Variants in COA1 observed in about 807,000 individuals in gnomAD.
The protein encoded by COA1 is cytochrome c oxidase assembly factor 1, also known as cytochrome c oxidase assembly factor 1 homolog.
In COA1, 13 loss-of-function variants were observed where a neutral mutation model predicts 16.0. The observed-to-expected ratio is 0.81, with a 90% CI of 0.53 to 1.29. COA1 has a LOEUF of 1.29. Among genes scored for constraint, COA1 ranks in the 50% most tolerant of loss-of-function variants. The probability of loss-of-function intolerance (pLI) is 0.00; values close to 1 mark genes in which losing one functional copy is unlikely to be tolerated. For synonymous variants in COA1, 65 were observed against 65.7 expected (o/e 0.99, Z 0.05); for missense variants, 179 against 177.0 (o/e 1.01, Z -0.06).
intron 1 of COA1, among the ~76,000 whole-genome samples, chr7:43,722,540 C>A (rs569386626): frequency 1.3e-5 from 2 of 152,290 alleles, no homozygotes; most frequent in South Asian, 4.1e-4. Context: ...GTAGCTAGGA[C>A]TACAGGCACA....
Position 43,629,814 on chromosome 7 carries a change from C to G in COA1, c.*133+9635G>C, listed in dbSNP as rs80006390. Among the ~76,000 whole-genome samples, 166 of 152,332 alleles carry G rather than the reference C, an allele frequency of 1.1e-3. 1 individual carries two copies. The East Asian group carries it at 0.017, about 16-fold the overall frequency. On this transcript the variant is annotated intron_variant and NMD_transcript_variant, in intron 6 of 6. Transcript: ENST00000415076. ...AGCTGGTTATGGGCAGAACAAAGGA[C>G]AGAATCATTCAGATTTCCTGACTGC...
chr7:43,706,942 G>C (rs1365646893), intron 1 of COA1, among the ~76,000 whole-genome samples: 1 of 152,054 alleles, frequency 6.6e-6, no homozygotes, highest in Non-Finnish European at 1.5e-5. Flanking sequence ...AGGCTGAGGT[G>C]GGCAGATCAC....
intron 6 of COA1, among the ~76,000 whole-genome samples, chr7:43,627,521 A>G (rs975579113): frequency 6.6e-6 from 1 of 152,258 alleles, no homozygotes; most frequent in Non-Finnish European, 1.5e-5. Context: ...GAATATAGAT[A>G]GGAGAAAGAT....
chr7:43,683,613 G>T (rs143193085), intron 1 of COA1, among the ~76,000 whole-genome samples: 1 of 151,786 alleles, frequency 6.6e-6, no homozygotes, highest in Non-Finnish European at 1.5e-5. Context: ...CAGCCTGGGC[G>T]ACAGAGCGAG....
chr7:43,700,417 ATTC>A (rs1421668046), intron 1 of COA1, among the ~76,000 whole-genome samples: 2 of 152,000 alleles, frequency 1.3e-5, no homozygotes, highest in African/African-American at 4.8e-5. Context: ...CTCATAGAAA[ATTC>A]TTCTAGACCC....
At chr7:43,724,871 T>C (rs1364528174) in intron 1 of COA1, among the ~76,000 whole-genome samples, 1 of 152,202 alleles carries the variant, frequency 6.6e-6, no homozygotes, top group Non-Finnish European at 1.5e-5. Context: ...ACAGAAAATA[T>C]AATGGTAGTT....
chr7:43,681,342 T>C (rs551293095), intron 1 of COA1, among the ~76,000 whole-genome samples: 10 of 152,376 alleles, frequency 6.6e-5, no homozygotes, highest in African/African-American at 1.9e-4. Context: ...TTTTTTGTTA[T>C]AACTTTGTTT....
At chr7:43,644,045 C>T (rs1175226183) in intron 4 of COA1, among the ~76,000 whole-genome samples, 3 of 152,164 alleles carry the variant, frequency 2.0e-5, no homozygotes, top group Non-Finnish European at 4.4e-5. Flanking sequence ...CCTACCTGCC[C>T]ACACCCACCT....
Position 43,613,644 on chromosome 7 carries a change from A to G in COA1, c.*134-4149T>C, listed in dbSNP as rs2083076604. 2.0e-5 allele frequency among the ~76,000 whole-genome samples: 3 copies of G among 152,084 alleles called. No homozygotes were observed. In the South Asian group the frequency reaches 6.2e-4, roughly 32 times the overall value. On this transcript the variant is annotated intron_variant and NMD_transcript_variant, in intron 6 of 6. Coordinates refer to the COA1 transcript ENST00000415076. The stretch of plus-strand genomic sequence containing the variant: ...GACCACATGAGCCCAGGAGTTTGAG[A>G]CCAGCCCAGGCAACATAGTGAGACC...
chr7:43,636,470 A>AAAC (rs2085897956), downstream of COA1, among the ~76,000 whole-genome samples: 1 of 152,246 alleles, frequency 6.6e-6, no homozygotes, highest in East Asian at 1.9e-4. Flanking sequence ...TCAGATGGAC[A>AAAC]AACTGAAAAC....
downstream of COA1, among the ~76,000 whole-genome samples, chr7:43,637,046 G>A (rs1466796297): frequency 6.6e-6 from 1 of 152,176 alleles, no homozygotes; most frequent in African/African-American, 2.4e-5. Flanking sequence ...TGCCCGCTCT[G>A]GGGCCTTTCT....
At chr7:43,648,913 G>A in intron 1 of COA1, 1 of 365,362 alleles carries the variant, frequency 2.7e-6, no homozygotes, top group South Asian at 4.4e-5. Context: ...GAACCGGTGT[G>A]CACAAGGGAG....
chr7:43,671,956 T>C (rs1349071264), intron 1 of COA1, among the ~76,000 whole-genome samples: 1 of 152,134 alleles, frequency 6.6e-6, no homozygotes, highest in African/African-American at 2.4e-5. Context: ...TGAAACCTCT[T>C]TTCTTTATAA....
At chr7:43,678,870 CAT>C (rs1563342620) in intron 1 of COA1, among the ~76,000 whole-genome samples, 1 of 152,166 alleles carries the variant, frequency 6.6e-6, no homozygotes, top group African/African-American at 2.4e-5. Context: ...GAGAATATAA[CAT>C]GGTGCAGCTG....
chr7:43,656,951 T>C (rs7803190), intron 1 of COA1, among the ~76,000 whole-genome samples: 65,854 of 151,952 alleles, frequency 0.43, 14,730 homozygotes, highest in African/African-American at 0.55. Context: ...TCCCAGCACT[T>C]TGGGAGTCCA....
chr7:43,722,959 C>A (rs2095541096), intron 1 of COA1, among the ~76,000 whole-genome samples: 1 of 152,086 alleles, frequency 6.6e-6, no homozygotes, highest in Non-Finnish European at 1.5e-5. Context: ...TGACAGAGAC[C>A]CAAACTAAGA....
chr7:43,706,375 A>AAAAT (rs1320341440), intron 1 of COA1, among the ~76,000 whole-genome samples: 4 of 151,880 alleles, frequency 2.6e-5, no homozygotes, highest in Admixed American at 6.6e-5. Context: ...TCTCTACAAA[A>AAAAT]AAATAAATAA....
At chr7:43,624,883 A>G (rs766143001) in intron 6 of COA1, 8 of 1,506,146 alleles carry the variant, frequency 5.3e-6, no homozygotes, top group Non-Finnish European at 6.3e-6. Flanking sequence ...CTACATTGAA[A>G]ATGTTAATAT....
At chr7:43,654,446 G>T (rs144985724) in intron 1 of COA1, among the ~76,000 whole-genome samples, 34 of 152,276 alleles carry the variant, frequency 2.2e-4, no homozygotes, top group African/African-American at 8.2e-4. Flanking sequence ...ACACGTGATG[G>T]GAACAAAGGA....
Sources: allele counts gnomAD v4.1 joint callset (sites outside exome capture counted in the v4.1 genomes callset), GRCh38; gene constraint gnomAD v4.1.1; transcripts MANE v1.5; gene names NCBI Gene and HGNC (gene_info 2026-07-23, HGNC 2026-07-21).